Variants in ANO4 observed in about 807,000 individuals in gnomAD.
The protein encoded by ANO4 is anoctamin-4.
Under a neutral mutation model 141.9 loss-of-function variants are expected in ANO4, and 69 were observed. The observed-to-expected ratio is 0.49, with a 90% CI of 0.40 to 0.59. The LOEUF (loss-of-function observed/expected upper bound fraction) is 0.59. Among genes scored for constraint, ANO4 ranks in the 20% least tolerant of loss-of-function variants. The pLI is 0.00. For synonymous variants in ANO4, 350 were observed against 394.3 expected, an observed-to-expected ratio of 0.89 and a Z score of 1.33; for missense variants, 894 against 1,162.2, an observed-to-expected ratio of 0.77 and a Z score of 3.36.
chr12:101,069,459 C>G (rs189440624), intron 14 of ANO4, among the ~76,000 whole-genome samples: 1 of 152,310 alleles, frequency 6.6e-6, no homozygotes, highest in East Asian at 1.9e-4. Context: ...TTTAATACCT[C>G]TGGGCAGAAT....
chr12:100,916,413 A>G (rs761311679), intron 2 of ANO4, among the ~76,000 whole-genome samples: 3 of 152,146 alleles, frequency 2.0e-5, no homozygotes, highest in Non-Finnish European at 4.4e-5. Flanking sequence ...CATTATTGTT[A>G]TTCATAATGT....
intron 3 of ANO4, among the ~76,000 whole-genome samples, chr12:100,757,645 C>A (rs904484172): frequency 6.6e-6 from 1 of 152,190 alleles, no homozygotes; most frequent in African/African-American, 2.4e-5. Flanking sequence ...GCCACTGAGT[C>A]CACTTGCTCC....
intron 1 of ANO4, among the ~76,000 whole-genome samples, chr12:100,890,158 T>C (rs1444616463): frequency 6.6e-6 from 1 of 152,178 alleles, no homozygotes; most frequent in Non-Finnish European, 1.5e-5. Context: ...TAGCCCTTAT[T>C]ATGAATATTT....
At chr12:101,099,452 A>T in intron 21 of ANO4, 126 bp from the exon 22 acceptor site, 2 of 868,216 alleles carry the variant, frequency 2.3e-6, no homozygotes, top group East Asian at 2.6e-5. Flanking sequence ...CTGAGGCTTT[A>T]TTTCTTTGAT....
chr12:101,119,853 G>C (rs1261160984), intron 25 of ANO4, among the ~76,000 whole-genome samples: 1 of 152,148 alleles, frequency 6.6e-6, no homozygotes, highest in East Asian at 1.9e-4. Flanking sequence ...GAGTCACATG[G>C]ATTAAAGTTC....
At chr12:101,114,644 C>T (rs1000242738) in intron 24 of ANO4, among the ~76,000 whole-genome samples, 4 of 152,058 alleles carry the variant, frequency 2.6e-5, no homozygotes, top group African/African-American at 9.7e-5. Flanking sequence ...TATGAATATT[C>T]CATTTCAGTG....
At chr12:100,808,997 T>G (rs2035233653) in intron 1 of ANO4, among the ~76,000 whole-genome samples, 2 of 152,192 alleles carry the variant, frequency 1.3e-5, no homozygotes, top group African/African-American at 4.8e-5. Flanking sequence ...TAATGAACAC[T>G]TACTATAGAC....
In ANO4 at chr12:100,740,210, A is replaced by G. The variant is rs187541430; in HGVS notation, c.358+105A>G. On this transcript the variant is annotated intron_variant, in intron 3 of 29. Coordinates refer to the ANO4 transcript ENST00000644049. ...GCATTTGTATTTCTGCTTGTGTGAT[A>G]TGATGGACCCCAACAATACCTCTAT... 115 of 655,896 alleles carry G rather than the reference A, an allele frequency of 1.8e-4. No individual in the cohort carries two copies. In the East Asian group the frequency reaches 3.0e-3, roughly 17 times the overall value. 40.6% of individuals were successfully genotyped at this position (655,896 alleles called of 1,614,324 possible).
intron 8 of ANO4, among the ~76,000 whole-genome samples, chr12:100,999,263 C>G (rs1424184146): frequency 6.6e-6 from 1 of 152,200 alleles, no homozygotes; most frequent in Non-Finnish European, 1.5e-5. Flanking sequence ...TTTGCCTTTT[C>G]TAATTTCTGG....
chr12:100,817,951 CAT>C (rs779597988), intron 1 of ANO4, among the ~76,000 whole-genome samples: 22 of 151,736 alleles, frequency 1.4e-4, no homozygotes, highest in Non-Finnish European at 2.8e-4. Context: ...CCTATAAGGA[CAT>C]AGACACTTGT....
rs5800454 is a variant in ANO4, at chr12:101,075,729, T to TTATA, written c.1313-3451_1313-3448dup. Among the ~76,000 whole-genome samples, 1,144 of 144,412 alleles carry TTATA rather than the reference T, an allele frequency of 7.9e-3. 12 individuals carry two copies. The highest frequency in any genetic ancestry group is 9.9e-3 in the Non-Finnish European group (658 of 66,258). 94.7% of individuals were successfully genotyped at this position (144,412 alleles called of 152,430 possible). On this transcript the variant is annotated intron_variant, in intron 14 of 27. Transcript: ENST00000392977. ...TTATATAAAACAAATATATATATCT[T>TTATA]TATATATATATATATAACAAAAATA...
intron 8 of ANO4, among the ~76,000 whole-genome samples, chr12:100,998,511 C>T (rs749201568): frequency 1.3e-5 from 2 of 152,070 alleles, no homozygotes; most frequent in Non-Finnish European, 2.9e-5. Context: ...TCTTTAAAAA[C>T]TAAATTTGAA....
At chr12:100,916,419 A>G (rs569187594) in intron 2 of ANO4, among the ~76,000 whole-genome samples, 10 of 152,290 alleles carry the variant, frequency 6.6e-5, no homozygotes, top group African/African-American at 2.4e-4. Context: ...TGTTATTCAT[A>G]ATGTGAAATT....
chr12:101,021,976 A>G (rs1316540962), intron 9 of ANO4, among the ~76,000 whole-genome samples: 2 of 150,524 alleles, frequency 1.3e-5, no homozygotes, highest in Non-Finnish European at 2.9e-5. Flanking sequence ...ACATCATAAG[A>G]GGAACAGATT....
intron 2 of ANO4, among the ~76,000 whole-genome samples, chr12:100,912,074 A>G (rs1041155413): frequency 4.6e-5 from 7 of 152,106 alleles, no homozygotes; most frequent in African/African-American, 1.4e-4. Context: ...TTAGCAATTG[A>G]CAGACCCCAA....
intron 6 of ANO4, among the ~76,000 whole-genome samples, chr12:100,973,959 G>A (rs988665461): frequency 2.6e-5 from 4 of 152,086 alleles, no homozygotes; most frequent in African/African-American, 9.7e-5. Context: ...AAAAATTGGT[G>A]ATATATAAAC....
chr12:100,949,262 A>T (rs77511109), intron 5 of ANO4, among the ~76,000 whole-genome samples: 13,841 of 152,210 alleles, frequency 0.091, 776 homozygotes, highest in East Asian at 0.3. Context: ...GAGATAATTA[A>T]TATGTGTAGT....
At chr12:101,106,194 C>T (rs1007926569) in intron 22 of ANO4, among the ~76,000 whole-genome samples, 5 of 151,842 alleles carry the variant, frequency 3.3e-5, no homozygotes, top group Non-Finnish European at 5.9e-5. Flanking sequence ...AAAAGAAAAT[C>T]CAAACAAGCC....
chr12:100,994,541 T>C (rs1017686145), intron 8 of ANO4, among the ~76,000 whole-genome samples: 1 of 152,188 alleles, frequency 6.6e-6, no homozygotes, highest in Non-Finnish European at 1.5e-5. Context: ...CTGATTGTCT[T>C]TCAGAAAAAT....
Sources: gnomAD v4.1 joint callset for allele counts (sites outside exome capture counted in the v4.1 genomes callset) on GRCh38, gnomAD v4.1.1 for gene constraint, MANE v1.5 for transcripts, NCBI Gene and HGNC (gene_info 2026-07-23, HGNC 2026-07-21) for gene names.